The following ADK variants were observed in gnomAD, a reference collection of about 807,000 sequenced individuals.
The protein encoded by ADK is N6,N6-dimethyladenosine kinase.
A neutral mutation model predicts 44.7 loss-of-function variants in ADK; 24 were observed. The observed-to-expected ratio is 0.54, with a 90% confidence interval of 0.39 to 0.76. The LOEUF (loss-of-function observed/expected upper bound fraction) is 0.76, where lower values mean the gene tolerates loss of function less well. Among genes scored for constraint, ADK ranks in the 30% least tolerant of loss-of-function variants. The pLI, the probability that ADK is intolerant of heterozygous loss-of-function variation, is 0.00. For synonymous variants in ADK, 128 were observed against 142.6 expected (o/e 0.90, Z 0.73); for missense variants, 321 against 425.1 (o/e 0.76, Z 2.15).
intron 3 of ADK, among the ~76,000 whole-genome samples, chr10:74,297,414 G>T (rs1839856045): frequency 6.6e-6 from 1 of 152,136 alleles, no homozygotes; most frequent in South Asian, 2.1e-4. Flanking sequence ...AACAGACTTG[G>T]TTTTTAAAAA....
At chr10:74,668,603 G>A (rs1320956764) in intron 9 of ADK, among the ~76,000 whole-genome samples, 4 of 152,142 alleles carry the variant, frequency 2.6e-5, no homozygotes, top group Non-Finnish European at 5.9e-5. Context: ...GGGCGTGATG[G>A]CACATGACTG....
intron 1 of ADK, among the ~76,000 whole-genome samples, chr10:74,184,987 TCTTA>T (rs1346875257): frequency 6.6e-5 from 10 of 152,212 alleles, no homozygotes; most frequent in Non-Finnish European, 1.0e-4. Context: ...TTATTTGTTA[TCTTA>T]CTTTTGGGAG....
intron 7 of ADK, among the ~76,000 whole-genome samples, chr10:74,573,727 A>G (rs1443639958): frequency 6.6e-6 from 1 of 151,678 alleles, no homozygotes; most frequent in African/African-American, 2.4e-5. Flanking sequence ...CCCCTCCCCC[A>G]GCCTCGCTGC....
intron 7 of ADK, chr10:74,527,657 C>T: frequency 1.1e-6 from 1 of 943,360 alleles, no homozygotes; most frequent in South Asian, 1.3e-5. Context: ...ATTTTGGCAT[C>T]TTCAGCCTAC....
chr10:74,374,206 TGTG>T (rs962624158), intron 4 of ADK, among the ~76,000 whole-genome samples: 7 of 152,060 alleles, frequency 4.6e-5, no homozygotes, highest in South Asian at 2.1e-4. Context: ...CTAAAATTGA[TGTG>T]GTGATGCCTA....
intron 7 of ADK, among the ~76,000 whole-genome samples, chr10:74,542,880 T>TTTTATTTA (rs1489683134): frequency 3.0e-4 from 45 of 150,942 alleles, no homozygotes; most frequent in African/African-American, 1.1e-3. Context: ...TTTAATTTTA[T>TTTTATTTA]TTTAGTTATT....
At chr10:74,520,930 G>T (rs182166258) in intron 6 of ADK, among the ~76,000 whole-genome samples, 1 of 152,204 alleles carries the variant, frequency 6.6e-6, no homozygotes, top group African/African-American at 2.4e-5. Flanking sequence ...TAGGATCAAC[G>T]ATAAACAGCT....
chr10:74,604,716 T>G (rs1377312514), intron 9 of ADK, among the ~76,000 whole-genome samples: 1 of 152,186 alleles, frequency 6.6e-6, no homozygotes, highest in Admixed American at 6.5e-5. Flanking sequence ...TCTTTTTGCT[T>G]AGGATTGTCT....
chr10:74,408,154 AT>A (rs146437712), intron 6 of ADK, among the ~76,000 whole-genome samples: 1,188 of 103,822 alleles, frequency 0.011, 4 homozygotes, highest in Middle Eastern at 0.029. Flanking sequence ...TGAGTTTTGT[AT>A]TTTTTTTTTT....
intron 6 of ADK, among the ~76,000 whole-genome samples, chr10:74,518,213 A>C (rs1475049956): frequency 1.3e-5 from 2 of 152,198 alleles, no homozygotes; most frequent in Non-Finnish European, 2.9e-5. Context: ...CATGGAAAAC[A>C]AGCTAATTAT....
At chr10:74,310,657 C>A (rs1000349366) in intron 3 of ADK, among the ~76,000 whole-genome samples, 71 of 152,254 alleles carry the variant, frequency 4.7e-4, no homozygotes, top group African/African-American at 1.5e-3. Flanking sequence ...GTCTGCTTTT[C>A]ACACTGTTGC....
chr10:74,260,371 G>A (rs1845999249), intron 3 of ADK, among the ~76,000 whole-genome samples: 1 of 152,216 alleles, frequency 6.6e-6, no homozygotes, highest in African/African-American at 2.4e-5. Flanking sequence ...CTGGGCTCAA[G>A]CCATCCTCCT....
intron 4 of ADK, among the ~76,000 whole-genome samples, chr10:74,384,203 CTTAT>C (rs1465267752): frequency 6.6e-6 from 1 of 152,108 alleles, no homozygotes; most frequent in Non-Finnish European, 1.5e-5. Context: ...TTCCTGTTCA[CTTAT>C]TTGACAATTA....
At chr10:74,613,250 G>A (rs1350069349) in intron 9 of ADK, among the ~76,000 whole-genome samples, 1 of 152,052 alleles carries the variant, frequency 6.6e-6, no homozygotes, top group African/African-American at 2.4e-5. Flanking sequence ...ATGTATGGTT[G>A]AAAATGTTCC....
intron 6 of ADK, among the ~76,000 whole-genome samples, chr10:74,522,608 A>G (rs1589213602): frequency 6.6e-6 from 1 of 152,102 alleles, no homozygotes; most frequent in East Asian, 1.9e-4. Context: ...ATTGTAGTCT[A>G]TTTGAAATTT....
intron 7 of ADK, among the ~76,000 whole-genome samples, chr10:74,582,619 T>C (rs953348460): frequency 6.6e-6 from 1 of 152,228 alleles, no homozygotes; most frequent in African/African-American, 2.4e-5. Context: ...AACTGCACTT[T>C]ATTTTTTTGC....
chr10:74,179,084 G>A (rs1430678928), intron 1 of ADK, among the ~76,000 whole-genome samples: 1 of 152,154 alleles, frequency 6.6e-6, no homozygotes, highest in Non-Finnish European at 1.5e-5. Context: ...TGATAACTGG[G>A]GTTTAGAAGT....
At chr10:74,510,310 T>G (rs894966536) in intron 6 of ADK, among the ~76,000 whole-genome samples, 4 of 152,192 alleles carry the variant, frequency 2.6e-5, no homozygotes, top group Non-Finnish European at 4.4e-5. Context: ...TCTCTGATGA[T>G]TAGTGATGTT....
At chr10:74,268,719 C>T (rs1216745660) in intron 3 of ADK, among the ~76,000 whole-genome samples, 1 of 152,176 alleles carries the variant, frequency 6.6e-6, no homozygotes, top group Admixed American at 6.5e-5. Context: ...TTCAGATTAT[C>T]AGTTTGATTT....
Sources: allele counts gnomAD v4.1 joint callset (sites outside exome capture counted in the v4.1 genomes callset), GRCh38; gene constraint gnomAD v4.1.1; transcripts MANE v1.5; gene names NCBI Gene and HGNC (gene_info 2026-07-23, HGNC 2026-07-21).